The following SGCZ variants were observed in gnomAD, a reference collection of about 807,000 sequenced individuals.
The protein encoded by SGCZ is sarcoglycan zeta, also known as zeta-sarcoglycan.
SGCZ carries 40 observed loss-of-function variants against 41.3 expected under a neutral mutation model. The ratio of observed to expected loss-of-function variants is 0.97; its 90% CI spans 0.75 to 1.26. The LOEUF is 1.26. Ranked by LOEUF, SGCZ falls within the 50% of genes most tolerant of loss-of-function variation. The probability of loss-of-function intolerance (pLI) is 0.00; values close to 1 mark genes in which losing one functional copy is unlikely to be tolerated. For synonymous variants in SGCZ, 206 were observed against 137.5 expected, an observed-to-expected ratio of 1.50 and a Z score of -3.49; for missense variants, 552 against 369.8, an observed-to-expected ratio of 1.49 and a Z score of -4.04.
intron 1 of SGCZ, among the ~76,000 whole-genome samples, chr8:14,956,358 G>C (rs1001714367): frequency 3.9e-4 from 59 of 152,108 alleles, no homozygotes; most frequent in African/African-American, 1.4e-3. Flanking sequence ...TTTAATAAAA[G>C]TCCCAATATC....
intron 2 of SGCZ, among the ~76,000 whole-genome samples, chr8:14,480,242 T>A (rs1801498483): frequency 6.6e-6 from 1 of 152,236 alleles, no homozygotes; most frequent in African/African-American, 2.4e-5. Flanking sequence ...CAATGCCAAG[T>A]GTAATATATT....
chr8:14,189,043 G>A (rs1334775427), intron 4 of SGCZ, among the ~76,000 whole-genome samples: 2 of 127,966 alleles, frequency 1.6e-5, no homozygotes, highest in African/African-American at 2.8e-5. Flanking sequence ...ATTTTTAGTA[G>A]AGATGGGGTT....
chr8:14,598,441 G>A (rs908942060), intron 1 of SGCZ, among the ~76,000 whole-genome samples: 3 of 151,346 alleles, frequency 2.0e-5, no homozygotes, highest in Non-Finnish European at 4.4e-5. Context: ...AATTTTGTTT[G>A]TGTGTATATA....
At chr8:14,358,764 C>G (rs1056441389) in intron 2 of SGCZ, among the ~76,000 whole-genome samples, 5 of 152,004 alleles carry the variant, frequency 3.3e-5, no homozygotes, top group Admixed American at 2.6e-4. Context: ...GCATGTGCCA[C>G]CATGCCCGGC....
chr8:14,538,836 A>G (rs182514986), intron 2 of SGCZ, among the ~76,000 whole-genome samples: 6 of 151,860 alleles, frequency 4.0e-5, no homozygotes, highest in Admixed American at 2.0e-4. Flanking sequence ...ATATTTTAAG[A>G]TAGACCAAGT....
intron 2 of SGCZ, among the ~76,000 whole-genome samples, chr8:14,471,107 T>A (rs957230849): frequency 6.6e-6 from 1 of 152,200 alleles, no homozygotes; most frequent in Non-Finnish European, 1.5e-5. Flanking sequence ...TTTTTTCTAA[T>A]GCTTGCCTTT....
At chr8:14,092,679 C>T (rs189825724) in intron 7 of SGCZ, among the ~76,000 whole-genome samples, 1 of 152,130 alleles carries the variant, frequency 6.6e-6, no homozygotes, top group Admixed American at 6.6e-5. Flanking sequence ...TCACTTGGTT[C>T]TCTCCTTCTC....
chr8:14,311,178 A>G (rs891112819), intron 3 of SGCZ, among the ~76,000 whole-genome samples: 1 of 152,158 alleles, frequency 6.6e-6, no homozygotes, highest in African/African-American at 2.4e-5. Context: ...AGGTTGATTC[A>G]TGCACAGTAA....
intron 1 of SGCZ, among the ~76,000 whole-genome samples, chr8:14,614,761 T>A (rs991341592): frequency 1.3e-5 from 2 of 151,824 alleles, no homozygotes; most frequent in Admixed American, 6.6e-5. Context: ...GTGAAGAGAG[T>A]TAACATAAGT....
At chr8:14,172,366 G>C (rs924563889) in intron 4 of SGCZ, among the ~76,000 whole-genome samples, 1 of 152,072 alleles carries the variant, frequency 6.6e-6, no homozygotes, top group African/African-American at 2.4e-5. Flanking sequence ...TCATTTGGAA[G>C]GAACACATCA....
At chr8:14,103,728 C>G (rs1174707974) in intron 6 of SGCZ, among the ~76,000 whole-genome samples, 1 of 151,810 alleles carries the variant, frequency 6.6e-6, no homozygotes, top group Non-Finnish European at 1.5e-5. Flanking sequence ...TCATATAATC[C>G]CTGGAGGGGT....
intron 4 of SGCZ, among the ~76,000 whole-genome samples, chr8:14,192,426 G>A (rs1805134035): frequency 6.6e-6 from 1 of 151,642 alleles, no homozygotes; most frequent in South Asian, 2.1e-4. Flanking sequence ...GATCTCTAGT[G>A]TTTTCTCATG....
At chr8:14,614,819 A>C (rs894571164) in intron 1 of SGCZ, among the ~76,000 whole-genome samples, 1 of 152,170 alleles carries the variant, frequency 6.6e-6, no homozygotes, top group Non-Finnish European at 1.5e-5. Flanking sequence ...ACTAAGAAAA[A>C]TGAATAATAA....
intron 1 of SGCZ, among the ~76,000 whole-genome samples, chr8:15,067,558 G>T (rs1053650812): frequency 5.3e-5 from 8 of 152,184 alleles, no homozygotes; most frequent in Admixed American, 2.0e-4. Flanking sequence ...GCTTATATAA[G>T]TATCCATTAT....
intron 3 of SGCZ, among the ~76,000 whole-genome samples, chr8:14,265,770 G>A (rs960975311): frequency 3.3e-5 from 5 of 151,228 alleles, no homozygotes; most frequent in Admixed American, 2.0e-4. Context: ...AAACTTAACA[G>A]AGAGAATGAA....
At chr8:14,130,479 C>CCA (rs1803006835) in intron 5 of SGCZ, among the ~76,000 whole-genome samples, 1 of 145,802 alleles carries the variant, frequency 6.9e-6, no homozygotes, top group Non-Finnish European at 1.6e-5. Flanking sequence ...ATGTTTATTC[C>CCA]CACACACAAA....
chr8:14,192,316 A>C (rs1382572723), intron 4 of SGCZ, among the ~76,000 whole-genome samples: 1 of 151,998 alleles, frequency 6.6e-6, no homozygotes, highest in African/African-American at 2.4e-5. Context: ...AATAGTGGTC[A>C]GCTGGACAAC....
chr8:14,699,209 T>C (rs960365654), intron 1 of SGCZ, among the ~76,000 whole-genome samples: 2 of 149,694 alleles, frequency 1.3e-5, no homozygotes, highest in Non-Finnish European at 3.0e-5. Flanking sequence ...ATAATTTGAA[T>C]TTATATATAA....
chr8:14,912,032 C>T (rs1304057612), intron 1 of SGCZ, among the ~76,000 whole-genome samples: 2 of 151,956 alleles, frequency 1.3e-5, no homozygotes, highest in East Asian at 3.9e-4. Context: ...AGAGTAGCTG[C>T]ACTGACGCTA....
Sources: allele counts gnomAD v4.1 joint callset (sites outside exome capture counted in the v4.1 genomes callset), GRCh38; gene constraint gnomAD v4.1.1; transcripts MANE v1.5; gene names NCBI Gene and HGNC (gene_info 2026-07-23, HGNC 2026-07-21).